COL14A1: variants seen among roughly 807,000 people sequenced by gnomAD.
COL14A1 encodes the protein collagen type XIV alpha 1 chain, also known as collagen alpha-1(XIV) chain.
Under a neutral mutation model 230.3 loss-of-function variants are expected in COL14A1, and 136 were observed. The ratio of observed to expected loss-of-function variants is 0.59; its 90% confidence interval spans 0.51 to 0.68. The LOEUF (loss-of-function observed/expected upper bound fraction) is 0.68. COL14A1 is among the 30% of genes least tolerant of loss of function. The pLI, the probability that COL14A1 is intolerant of heterozygous loss-of-function variation, is 0.00. For synonymous variants in COL14A1, 792 were observed against 784.1 expected, an observed-to-expected ratio of 1.01 and a Z score of -0.17; for missense variants, 1,976 against 2,215.8, an observed-to-expected ratio of 0.89 and a Z score of 2.17.
chr8:120,270,224 T>A, intron 26 of COL14A1, 50 bp downstream of exon 26: 1 of 1,543,686 alleles, frequency 6.5e-7, no homozygotes. Context: ...AAATTATTTC[T>A]CCAGCTCTTA....
chr8:120,196,999 G>T, intron 6 of COL14A1, 53 bp downstream of exon 6: 1 of 1,547,858 alleles, frequency 6.5e-7, no homozygotes, highest in Non-Finnish European at 8.8e-7. Context: ...AAAACTGCTG[G>T]GAAGTATTTT....
chr8:120,314,125 C>T, intron 38 of COL14A1, 98 bp downstream of exon 38: 2 of 826,440 alleles, frequency 2.4e-6, no homozygotes, highest in South Asian at 4.0e-5. Flanking sequence ...TAATAATGAA[C>T]CTCAGTCCCT....
chr8:120,315,829 G>T, intron 39 of COL14A1, 115 bp from the exon 40 acceptor site: 1 of 1,084,316 alleles, frequency 9.2e-7, no homozygotes, highest in Non-Finnish European at 1.4e-6. Context: ...GTTACAAAGG[G>T]TTCACCATTA....
Position 120,171,203 on chromosome 8 carries a change from T to C in COL14A1, c.436+2956T>C, listed in dbSNP as rs910758792. Among the ~76,000 whole-genome samples the C allele has an allele frequency of 2.0e-5, 3 of 152,314 alleles. No individual in the cohort carries two copies. The South Asian group carries it at 6.2e-4, about 32-fold the overall frequency. On this transcript the variant is annotated intron_variant, in intron 5 of 47. Coordinates refer to ENST00000297848, the MANE Select transcript of COL14A1 (RefSeq NM_021110.4). The stretch of plus-strand genomic sequence containing the variant: ...TCCCTATAATACAGAATATAGAATT[T>C]AATAATGCTTTAAATTCAATGATTA...
At chr8:120,244,108 G>C (rs1818694833) in intron 20 of COL14A1, 100 bp downstream of exon 20, 1 of 1,360,482 alleles carries the variant, frequency 7.4e-7, no homozygotes. Flanking sequence ...TTGCAGTGAA[G>C]AAACTAAAAG....
At chr8:120,195,354 A>T (rs1363463481) in intron 5 of COL14A1, among the ~76,000 whole-genome samples, 5 of 152,162 alleles carry the variant, frequency 3.3e-5, no homozygotes, top group Admixed American at 3.3e-4. Context: ...AGCAAGAATA[A>T]AAAGGATACA....
In COL14A1 at chr8:120,125,796, G is replaced by A. The variant is rs140034015; in HGVS notation, c.-38+456G>A. Among the ~76,000 whole-genome samples the A allele has an allele frequency of 4.0e-3, 609 of 152,276 alleles. 5 individuals carry two copies. The highest frequency in any genetic ancestry group is 7.8e-3 in the Admixed American group (120 of 15,302). ...CGCTGTTTTTATTTATCTTGTGTTT[G>A]GGATAGCTTGAGAGAGCTGCTGATG... On this transcript the variant is annotated intron_variant, in intron 1 of 47. Coordinates refer to ENST00000297848, the MANE Select transcript of COL14A1 (RefSeq NM_021110.4).
At chr8:120,249,756 G>T (rs1818881324) in intron 21 of COL14A1, among the ~76,000 whole-genome samples, 1 of 152,176 alleles carries the variant, frequency 6.6e-6, no homozygotes, top group South Asian at 2.1e-4. Flanking sequence ...TAGTGAGGCT[G>T]AGAAATCCTG....
chr8:120,166,921 TG>T (rs371063056), intron 4 of COL14A1, among the ~76,000 whole-genome samples: 496 of 137,358 alleles, frequency 3.6e-3, no homozygotes, highest in African/African-American at 8.1e-3. Context: ...TGTGTGTGTG[TG>T]GTGGTGATGA....
intron 19 of COL14A1, among the ~76,000 whole-genome samples, chr8:120,240,192 TTTC>T (rs1178027284): frequency 6.6e-6 from 1 of 151,908 alleles, no homozygotes; most frequent in Non-Finnish European, 1.5e-5. Context: ...TGTTTTTTTT[TTTC>T]TCTCTCTCTC....
In COL14A1 at chr8:120,332,674, G is replaced by A; in HGVS notation, c.4724G>A (p.Gly1575Asp). 1 of 1,612,756 alleles carries A rather than the reference G, an allele frequency of 6.2e-7. No individual in the cohort carries two copies. The highest frequency in any genetic ancestry group is 8.5e-7 in the Non-Finnish European group (1 of 1,179,200). Residue 1575 changes from glycine to aspartate, a missense_variant, in exon 42 of 48, where the codon GGC becomes GAC. Around this residue, in one of 3 missense-constraint regions of COL14A1, gnomAD observed 1,791 missense variants for 2,019.5 expected, o/e 0.89. Coordinates refer to ENST00000297848, the MANE Select transcript of COL14A1 (RefSeq NM_021110.4). ...PGPPGPIGIPGTPGVPGITGS... is the reference protein window; with the variant it reads ...PGPPGPIGIPDTPGVPGITGS... ...CTACCTCTCTTCTAGGGCATTCCTG[G>A]CACCCCTGGAGTCCCAGGGATCACA...
chr8:120,369,280 A>G (rs770237977), intron 46 of COL14A1, 50 bp from the exon 47 acceptor site: 2 of 1,456,466 alleles, frequency 1.4e-6, no homozygotes, highest in Admixed American at 5.0e-5. Context: ...CTCAAAACTC[A>G]CCCTGTTGTG....
chr8:120,277,059 TA>T (rs1189592554), intron 26 of COL14A1, among the ~76,000 whole-genome samples: 1 of 150,996 alleles, frequency 6.6e-6, no homozygotes, highest in Non-Finnish European at 1.5e-5. Flanking sequence ...GAAAAACAAA[TA>T]AAAAACAATT....
chr8:120,154,789 TA>T (rs201747151), intron 2 of COL14A1, among the ~76,000 whole-genome samples: 5 of 152,116 alleles, frequency 3.3e-5, no homozygotes, highest in South Asian at 2.1e-4. Flanking sequence ...AAGTATATGT[TA>T]AAAAAAAGTA....
At chr8:120,199,942 A>G (rs924053697) in intron 8 of COL14A1, among the ~76,000 whole-genome samples, 5 of 144,114 alleles carry the variant, frequency 3.5e-5, no homozygotes, top group Non-Finnish European at 6.1e-5. Context: ...TATCATTTTC[A>G]AGGAAATACG....
intron 32 of COL14A1, among the ~76,000 whole-genome samples, chr8:120,285,080 G>A (rs1393237798): frequency 6.6e-6 from 1 of 152,016 alleles, no homozygotes; most frequent in South Asian, 2.1e-4. Context: ...ATTTTTGCTT[G>A]TTTGTTCATA....
At position 120,231,583 on chromosome 8, in the gene COL14A1, G is replaced by A; in HGVS notation, c.2314G>A (p.Ala772Thr). ...GCAGTTTAGGGTGACCTACATGACA[G>A]CTCAAGGGGACCCTGAGGAAGAAGT... ...VQQFRVTYMTAQGDPEEEVIG... is the reference protein window; with the variant it reads ...VQQFRVTYMTTQGDPEEEVIG... The change falls in exon 19 of 48, where the codon GCT becomes ACT. Residue 772 changes from alanine (A) to threonine (T), a missense_variant. Ala to Thr is a moderately conservative substitution (Grantham distance 58). Around this residue, in one of 3 missense-constraint regions of COL14A1, gnomAD observed 1,791 missense variants for 2,019.5 expected, o/e 0.89. Coordinates refer to ENST00000297848, the MANE Select transcript of COL14A1 (RefSeq NM_021110.4). 8 of 1,613,928 alleles carry A rather than the reference G, an allele frequency of 5.0e-6. No individual in the cohort carries two copies. Among genetic ancestry groups the A allele is most frequent in the Non-Finnish European group, 6.8e-6 (8 of 1,179,932 alleles).
At chr8:120,198,256 G>A (rs1176122207) in intron 7 of COL14A1, among the ~76,000 whole-genome samples, 1 of 152,014 alleles carries the variant, frequency 6.6e-6, no homozygotes, top group Non-Finnish European at 1.5e-5. Context: ...CCTCCACCCT[G>A]TTATTCAAAT....
chr8:120,230,012 C>A (rs534598453), intron 18 of COL14A1, among the ~76,000 whole-genome samples: 35 of 152,290 alleles, frequency 2.3e-4, no homozygotes, highest in African/African-American at 8.2e-4. Context: ...CCCCACGTAG[C>A]TGGGACTACA....
Sources: gnomAD v4.1 joint callset for allele counts (sites outside exome capture counted in the v4.1 genomes callset) on GRCh38, gnomAD v4.1.1 for gene constraint, gnomAD v4.1.1 regional missense constraint, MANE v1.5 for transcripts, NCBI Gene and HGNC (gene_info 2026-07-23, HGNC 2026-07-21) for gene names.